Variants in SH2D4A observed in about 807,000 individuals in gnomAD.
The protein encoded by SH2D4A is SH2 domain-containing protein 4A.
Under a neutral mutation model 64.7 loss-of-function variants are expected in SH2D4A, and 70 were observed. The observed-to-expected ratio is 1.08, with a 90% CI of 0.89 to 1.32. The LOEUF (loss-of-function observed/expected upper bound fraction) is 1.32. Among genes scored for constraint, SH2D4A ranks in the 40% most tolerant of loss-of-function variants. SH2D4A has a pLI of 0.00. For synonymous variants in SH2D4A, 268 were observed against 200.7 expected (o/e 1.34, Z -2.83); for missense variants, 706 against 540.1 (o/e 1.31, Z -3.04).
intron 7 of SH2D4A, among the ~76,000 whole-genome samples, chr8:19,367,260 G>T (rs549330355): frequency 6.6e-6 from 1 of 152,040 alleles, no homozygotes; most frequent in African/African-American, 2.4e-5. Flanking sequence ...TCCTTTTGAC[G>T]TAGACCCAGT....
intron 4 of SH2D4A, among the ~76,000 whole-genome samples, chr8:19,339,926 A>G (rs745342505): frequency 7.2e-5 from 11 of 152,228 alleles, no homozygotes; most frequent in Non-Finnish European, 1.2e-4. Context: ...ATACTGGAGT[A>G]AAACGGAATC....
chr8:19,348,784 T>G (rs547497263), intron 4 of SH2D4A, among the ~76,000 whole-genome samples: 1 of 152,208 alleles, frequency 6.6e-6, no homozygotes, highest in East Asian at 1.9e-4. Flanking sequence ...AATAACACTT[T>G]AAGGTGATTT....
rs145077906 is a variant in SH2D4A at position 19,338,853 on chromosome 8, A to T, written c.513+3996A>T. On this transcript the variant is annotated intron_variant, in intron 4 of 9. Transcript: ENST00000265807. Reference sequence around the variant, plus strand: ...GGTAGGATTTTTTGATGAGTAAGTGAGGTATTGTATTGGTCAGGGTTCTTT... The same window carrying T: ...GGTAGGATTTTTTGATGAGTAAGTGTGGTATTGTATTGGTCAGGGTTCTTT... 4.4e-3 allele frequency among the ~76,000 whole-genome samples: 673 copies of T among 152,310 alleles called. 7 individuals carry two copies. The highest frequency in any genetic ancestry group is 0.015 in the African/African-American group (638 of 41,566).
At chr8:19,326,758 T>A (rs555153217) in intron 2 of SH2D4A, among the ~76,000 whole-genome samples, 2 of 152,226 alleles carry the variant, frequency 1.3e-5, no homozygotes, top group South Asian at 4.2e-4. Flanking sequence ...TCAGGTTGAA[T>A]CCAGTGGGGG....
At chr8:19,328,017 T>C (rs1563185887) in intron 2 of SH2D4A, among the ~76,000 whole-genome samples, 3 of 152,148 alleles carry the variant, frequency 2.0e-5, no homozygotes, top group Admixed American at 6.5e-5. Context: ...GGCAGGACAT[T>C]CTCCCTGGTC....
At position 19,393,774 on chromosome 8, in the gene SH2D4A, C is replaced by A. The variant is rs193292324; in HGVS notation, c.1272+233C>A. Among the ~76,000 whole-genome samples, 476 of 152,190 alleles carry A rather than the reference C, an allele frequency of 3.1e-3. 10 individuals are homozygous for A. The highest frequency in any genetic ancestry group is 0.028 in the Admixed American group (423 of 15,282). Reference sequence around the variant, plus strand: ...GGGAACCCCACTGGGGCAGAGAATACGGGAAATGCTAAAACAAAAAAATAA... The same window carrying A: ...GGGAACCCCACTGGGGCAGAGAATAAGGGAAATGCTAAAACAAAAAAATAA... On this transcript the variant is annotated intron_variant, in intron 9 of 9. Coordinates refer to ENST00000265807, the MANE Select transcript of SH2D4A (RefSeq NM_022071.4).
chr8:19,335,616 C>A (rs2052434036), intron 4 of SH2D4A, among the ~76,000 whole-genome samples: 1 of 152,114 alleles, frequency 6.6e-6, no homozygotes, highest in African/African-American at 2.4e-5. Flanking sequence ...TTTTCAAGCA[C>A]AGGCTGAGGG....
At chr8:19,356,050 C>A (rs934866858) in intron 4 of SH2D4A, among the ~76,000 whole-genome samples, 4 of 152,230 alleles carry the variant, frequency 2.6e-5, no homozygotes, top group African/African-American at 4.8e-5. Flanking sequence ...GTCTAAGTAT[C>A]TGCTATCTTT....
chr8:19,395,897 C>G lies in SH2D4A; in HGVS notation c.*1255C>G, dbSNP rs1397327734. On this transcript the variant is annotated 3_prime_UTR_variant, in exon 10 of 10. Transcript: ENST00000265807. ...TTATGTAATTACATAACCTGACACA[C>G]AAGATCGACCCATTCACTGCTGCCC... 6.6e-6 allele frequency: 1 copy of G among 152,102 alleles called. No homozygotes were observed. The highest frequency in any genetic ancestry group is 6.5e-5 in the Admixed American group (1 of 15,272). 9.4% of individuals were successfully genotyped at this position (152,102 alleles called of 1,614,324 possible). A position where few individuals can be genotyped will look rare whatever the true frequency, so the allele number is the denominator to read the frequency against.
chr8:19,393,623 A>G, intron 9 of SH2D4A, 82 bp downstream of exon 9: 1 of 1,396,160 alleles, frequency 7.2e-7, no homozygotes, highest in Non-Finnish European at 1.0e-6. Context: ...TTACAAAGAA[A>G]AGGACTGAGA....
chr8:19,357,424 G>A (rs565288565), intron 5 of SH2D4A, 141 bp downstream of exon 5: 2 of 677,884 alleles, frequency 3.0e-6, no homozygotes, highest in Non-Finnish European at 5.1e-6. Context: ...TGCAAACACA[G>A]TTCTGCATCT....
intron 7 of SH2D4A, among the ~76,000 whole-genome samples, chr8:19,372,238 C>G (rs1159582374): frequency 6.6e-6 from 1 of 152,164 alleles, no homozygotes; most frequent in Non-Finnish European, 1.5e-5. Context: ...CCTGTGACCA[C>G]TGCAGCCATC....
intron 1 of SH2D4A, 126 bp from the exon 2 acceptor site, chr8:19,319,218 T>A (rs1434051183): frequency 1.6e-6 from 1 of 617,604 alleles, no homozygotes; most frequent in Middle Eastern, 7.3e-4. Context: ...GATTTTCTTC[T>A]TCTCTTTTCT....
At position 19,393,525 on chromosome 8, in the gene SH2D4A, T is replaced by C. The variant is rs1327912477; in HGVS notation, c.1256T>C (p.Leu419Ser). The part of the protein sequence containing the change: ...DQLQHATLAD[L>S]VEYHKEEPIT... ...CTACAGCATGCCACCTTGGCGGATTTGGTGGAATATCACAAGGTGAAGCAA... is the reference window on the plus strand; with the variant it reads ...CTACAGCATGCCACCTTGGCGGATTCGGTGGAATATCACAAGGTGAAGCAA... The change falls in exon 9 of 10, where the codon TTG (leucine) becomes TCG (serine). Residue 419 changes from leucine (L) to serine (S), a missense_variant. Physicochemically the swap from Leu to Ser is moderately radical, Grantham distance 145. Coordinates refer to ENST00000265807, the MANE Select transcript of SH2D4A (RefSeq NM_022071.4). 1 of 1,614,178 alleles carries C rather than the reference T, an allele frequency of 6.2e-7. No homozygotes were observed.
intron 8 of SH2D4A, among the ~76,000 whole-genome samples, chr8:19,384,147 A>G (rs2053345296): frequency 1.3e-5 from 2 of 152,166 alleles, no homozygotes; most frequent in Non-Finnish European, 2.9e-5. Context: ...TGTTATTTCT[A>G]CAAGTGTTTA....
At chr8:19,319,113 A>G (rs1183330764) in intron 1 of SH2D4A, among the ~76,000 whole-genome samples, 2 of 151,358 alleles carry the variant, frequency 1.3e-5, no homozygotes, top group African/African-American at 4.9e-5. Flanking sequence ...ATTGACCTGT[A>G]TAAAGTTAGG....
intron 7 of SH2D4A, among the ~76,000 whole-genome samples, chr8:19,371,023 A>G (rs2053086452): frequency 6.6e-6 from 1 of 152,078 alleles, no homozygotes; most frequent in Non-Finnish European, 1.5e-5. Context: ...CTCTCCTTGC[A>G]TTTTGTATTT....
chr8:19,342,675 C>G (rs1299870830), intron 4 of SH2D4A, among the ~76,000 whole-genome samples: 4 of 152,156 alleles, frequency 2.6e-5, no homozygotes, highest in Non-Finnish European at 2.9e-5. Flanking sequence ...GGTCTTCTAC[C>G]TTATTCAGGT....
intron 4 of SH2D4A, among the ~76,000 whole-genome samples, chr8:19,346,348 T>G (rs2052612968): frequency 6.6e-6 from 1 of 152,196 alleles, no homozygotes; most frequent in African/African-American, 2.4e-5. Flanking sequence ...ATCAGCAGCA[T>G]TAGATTCTCA....
Sources: gnomAD v4.1 joint callset for allele counts (sites outside exome capture counted in the v4.1 genomes callset) on GRCh38, gnomAD v4.1.1 for gene constraint, MANE v1.5 for transcripts, NCBI Gene and HGNC (gene_info 2026-07-23, HGNC 2026-07-21) for gene names.